Variants in STAT4 observed in about 807,000 individuals in gnomAD.
STAT4 encodes signal transducer and activator of transcription 4.
Under a neutral mutation model 110.5 loss-of-function variants are expected in STAT4, and 42 were observed. That is an observed-to-expected ratio of 0.38 (90% CI 0.30 to 0.49). STAT4 has a LOEUF of 0.49. Among genes scored for constraint, STAT4 ranks in the 20% least tolerant of loss-of-function variants. The pLI is 0.95. For missense variants in STAT4, 632 were observed against 887.9 expected, an observed-to-expected ratio of 0.71 and a Z score of 3.66; for synonymous variants, 284 against 302.2, an observed-to-expected ratio of 0.94 and a Z score of 0.63.
In STAT4 at chr2:191,144,995, T is replaced by G. The variant is rs542045412; in HGVS notation, c.273+1618A>C. On this transcript the variant is annotated intron_variant, in intron 3 of 23. Coordinates refer to ENST00000392320, the MANE Select transcript of STAT4 (RefSeq NM_003151.4). This position sits in a 1 kb window ranked among gnomAD's most constrained non-coding sequence, Gnocchi z 4.7. ...ATCATCTATTAATATTTTCCCCATC[T>G]GTGCTTATCTAGCAAAGTGACCTAT... Among the ~76,000 whole-genome samples, 83 of 152,334 alleles carry G rather than the reference T, an allele frequency of 5.4e-4. No homozygotes were observed. Among genetic ancestry groups the G allele is most frequent in the Non-Finnish European group, 6.5e-4 (44 of 68,028 alleles).
At position 191,094,917 on chromosome 2, in the gene STAT4, CAA is replaced by C. The variant is rs1165913847; in HGVS notation, c.274-18594_274-18593del. 1.2e-3 allele frequency among the ~76,000 whole-genome samples: 94 copies of C among 77,900 alleles called. 1 individual carries two copies. Among genetic ancestry groups the C allele is most frequent in the African/African-American group, 2.7e-3 (47 of 17,104 alleles). The allele number at this position is 77,900 out of a possible 152,430, so 51.1% of individuals were successfully genotyped here. A position where few individuals can be genotyped will look rare whatever the true frequency, so the allele number is the denominator to read the frequency against. ...GAAGATCTACCAAGCAAATGGAAAG[CAA>C]AAAAAAAAAAAAAAAAAAAGTAGGG... On this transcript the variant is annotated intron_variant, in intron 3 of 23. Coordinates refer to ENST00000392320, the MANE Select transcript of STAT4 (RefSeq NM_003151.4).
intron 3 of STAT4, among the ~76,000 whole-genome samples, chr2:191,115,112 A>G (rs1210241243): frequency 6.6e-6 from 1 of 152,180 alleles, no homozygotes; most frequent in East Asian, 1.9e-4. Flanking sequence ...ACCAACACTT[A>G]TGGAGGGTCT....
Position 191,031,225 on chromosome 2 carries a change from T to A in STAT4, c.2112-145A>T, listed in dbSNP as rs1483239516. The stretch of plus-strand genomic sequence containing the variant: ...AATTCATCATTTCATATCAGAACAC[T>A]CAACTTACTGTGGCATATATGGCAT... On this transcript the variant is annotated intron_variant, in intron 22 of 23. Transcript: ENST00000392320. This position sits in a 1 kb window ranked among gnomAD's most constrained non-coding sequence, Gnocchi z 4.8. 4.2e-6 allele frequency: 4 copies of A among 949,556 alleles called. No individual in the cohort carries two copies. The Admixed American group carries it at 1.0e-4, about 24-fold the overall frequency. The allele number at this position is 949,556 out of a possible 1,614,324, so 58.8% of individuals were successfully genotyped here. A position where few individuals can be genotyped will look rare whatever the true frequency, so the allele number is the denominator to read the frequency against.
chr2:191,033,811 G>A lies in STAT4; in HGVS notation c.1715+100C>T. The A allele has an allele frequency of 1.5e-6, 2 of 1,332,442 alleles. No homozygotes were observed. The highest frequency in any genetic ancestry group is 1.0e-6 in the Non-Finnish European group (1 of 969,670). 82.5% of individuals were successfully genotyped at this position (1,332,442 alleles called of 1,614,324 possible). A position where few individuals can be genotyped will look rare whatever the true frequency, so the allele number is the denominator to read the frequency against. On this transcript the variant is annotated intron_variant, in intron 19 of 23. Transcript: ENST00000392320. This position sits in a 1 kb window ranked among gnomAD's most constrained non-coding sequence, Gnocchi z 6.9. ...AGAAATTGCAACTATTTTTTTCTGTGGTACTAAACATGCTTAAGAGAAAAA... is the reference window on the plus strand; with the variant it reads ...AGAAATTGCAACTATTTTTTTCTGTAGTACTAAACATGCTTAAGAGAAAAA...
intron 3 of STAT4, among the ~76,000 whole-genome samples, chr2:191,089,277 T>C (rs980193845): frequency 6.6e-6 from 1 of 152,110 alleles, no homozygotes; most frequent in African/African-American, 2.4e-5. Context: ...AAAGAAGATA[T>C]ATAGATGAAA....
At chr2:191,069,836 A>G (rs1335145249) in intron 5 of STAT4, 65 bp from the exon 6 acceptor site, 15 of 1,343,148 alleles carry the variant, frequency 1.1e-5, no homozygotes, top group Admixed American at 1.1e-4. Flanking sequence ...AAACAACATC[A>G]TAAGTATTTT....
intron 3 of STAT4, among the ~76,000 whole-genome samples, chr2:191,133,043 T>A (rs6434440): frequency 2.6e-5 from 4 of 151,072 alleles, no homozygotes; most frequent in East Asian, 1.9e-4. Context: ...CGTGGGCCAC[T>A]GCGCCTGGCG....
Position 191,056,271 on chromosome 2 carries a change from G to A in STAT4, c.1207-1737C>T, listed in dbSNP as rs886407501. 2.6e-5 allele frequency among the ~76,000 whole-genome samples: 4 copies of A among 152,158 alleles called. No individual in the cohort carries two copies. In the East Asian group the frequency reaches 7.7e-4, roughly 29 times the overall value. On this transcript the variant is annotated intron_variant, in intron 13 of 23. Coordinates refer to ENST00000392320, the MANE Select transcript of STAT4 (RefSeq NM_003151.4). ...AAGCAGAAGGAGTAACATGGTTTCT[G>A]GCGAGAAAAATAGTAGGGTCTTTGG...
intron 3 of STAT4, among the ~76,000 whole-genome samples, chr2:191,081,925 C>T (rs775084785): frequency 2.6e-5 from 4 of 152,136 alleles, no homozygotes; most frequent in African/African-American, 7.2e-5. Flanking sequence ...TCCTCACTTG[C>T]ATCATGCTGG....
chr2:191,085,176 T>A (rs1196023895), intron 3 of STAT4, among the ~76,000 whole-genome samples: 1 of 151,876 alleles, frequency 6.6e-6, no homozygotes, highest in Non-Finnish European at 1.5e-5. Context: ...TCTTTTGAAA[T>A]CTTTGAATTA....
Position 191,077,774 on chromosome 2 carries a change from A to G in STAT4, c.274-1449T>C, listed in dbSNP as rs2464998. ...ATTTGTAAAACAAGAGTAAACACCA[A>G]CTATCTGAATTCCTGCTCTTACATA... On this transcript the variant is annotated intron_variant, in intron 3 of 23. Coordinates refer to ENST00000392320, the MANE Select transcript of STAT4 (RefSeq NM_003151.4). This position sits in a 1 kb window ranked among gnomAD's most constrained non-coding sequence, Gnocchi z 4.1. Among the ~76,000 whole-genome samples, 621 of 152,306 alleles carry G rather than the reference A, an allele frequency of 4.1e-3. 3 individuals carry two copies. Among genetic ancestry groups the G allele is most frequent in the African/African-American group, 0.014 (580 of 41,572 alleles).
At position 191,058,138 on chromosome 2, in the gene STAT4, A is replaced by G. The variant is rs892675448; in HGVS notation, c.1113-27T>C. 3 of 1,612,834 alleles carry G rather than the reference A, an allele frequency of 1.9e-6. No individual in the cohort carries two copies. The highest frequency in any genetic ancestry group is 1.6e-4 in the Middle Eastern group (1 of 6,082). On this transcript the variant is annotated intron_variant, in intron 12 of 23. Coordinates refer to ENST00000392320, the MANE Select transcript of STAT4 (RefSeq NM_003151.4). The surrounding 1 kb of genome is among the most constrained non-coding windows in gnomAD (Gnocchi z 4.3). ...TGGAGAGGAAATCTTAGCTATTTAC[A>G]TGGTCTCAGGTAAAATAAATTTACA...
In STAT4 at chr2:191,146,795, C is replaced by G; in HGVS notation, c.129-38G>C. On this transcript the variant is annotated intron_variant, in intron 2 of 23. Transcript: ENST00000392320. This position sits in a 1 kb window ranked among gnomAD's most constrained non-coding sequence, Gnocchi z 4.5. ...AGGATTATTACACAACAGAAAACAACTTTGTAAAATGTCTACTTTTTTACC... is the reference window on the plus strand; with the variant it reads ...AGGATTATTACACAACAGAAAACAAGTTTGTAAAATGTCTACTTTTTTACC... 1.4e-6 allele frequency: 2 copies of G among 1,447,626 alleles called. No homozygotes were observed. Among genetic ancestry groups the G allele is most frequent in the Non-Finnish European group, 1.8e-6 (2 of 1,095,518 alleles). The allele number at this position is 1,447,626 out of a possible 1,614,324, so 89.7% of individuals were successfully genotyped here.
At chr2:191,075,992 G>C in intron 4 of STAT4, 2 of 448,140 alleles carry the variant, frequency 4.5e-6, no homozygotes, top group Non-Finnish European at 8.1e-6. Context: ...TAGGACTATA[G>C]GCATGTGCCA....
intron 3 of STAT4, among the ~76,000 whole-genome samples, chr2:191,118,165 T>C (rs149893095): frequency 1.3e-5 from 2 of 152,356 alleles, no homozygotes; most frequent in Middle Eastern, 3.4e-3. Flanking sequence ...GCAATTCTTA[T>C]AAAAAGCCTT....
At chr2:191,074,577 T>TCA (rs569941435) in intron 4 of STAT4, among the ~76,000 whole-genome samples, 3 of 152,090 alleles carry the variant, frequency 2.0e-5, no homozygotes, top group South Asian at 4.2e-4. Flanking sequence ...ACACGCTCTC[T>TCA]CACACACACA....
At chr2:191,063,301 T>TA (rs1372703403) in intron 8 of STAT4, among the ~76,000 whole-genome samples, 2 of 152,202 alleles carry the variant, frequency 1.3e-5, no homozygotes, top group East Asian at 1.9e-4. Context: ...TTTAAAGCCA[T>TA]AAAAAAATGC....
Position 191,034,614 on chromosome 2 carries a change from G to A in STAT4, c.1571-17C>T. On this transcript the variant is annotated splice_polypyrimidine_tract_variant and intron_variant, in intron 17 of 23. Transcript: ENST00000392320. ...TAGATTGGACTGAAATGAAAGAAAAGAATGAAATTTTTCACTGGACAATGA... is the reference window on the plus strand; with the variant it reads ...TAGATTGGACTGAAATGAAAGAAAAAAATGAAATTTTTCACTGGACAATGA... The A allele has an allele frequency of 6.2e-7, 1 of 1,606,114 alleles. No individual in the cohort carries two copies. The highest frequency in any genetic ancestry group is 8.5e-7 in the Non-Finnish European group (1 of 1,172,990).
chr2:191,032,902 G>T lies in STAT4; in HGVS notation c.2044+56C>A. 6.6e-7 allele frequency: 1 copy of T among 1,519,164 alleles called. No homozygotes were observed. The highest frequency in any genetic ancestry group is 8.9e-7 in the Non-Finnish European group (1 of 1,123,900). The allele number at this position is 1,519,164 out of a possible 1,614,324, so 94.1% of individuals were successfully genotyped here. A position where few individuals can be genotyped will look rare whatever the true frequency, so the allele number is the denominator to read the frequency against. Reference sequence around the variant, plus strand: ...CTTCATTTACTTTGCTCCAATATGAGGTTATTTTCCAAAATCTTAAGGAAA... The same window carrying T: ...CTTCATTTACTTTGCTCCAATATGATGTTATTTTCCAAAATCTTAAGGAAA... On this transcript the variant is annotated intron_variant, in intron 21 of 23. Transcript: ENST00000392320. The surrounding 1 kb of genome is among the most constrained non-coding windows in gnomAD (Gnocchi z 4.9).
Sources: allele counts gnomAD v4.1 joint callset (sites outside exome capture counted in the v4.1 genomes callset), GRCh38; gene constraint gnomAD v4.1.1; non-coding constraint Gnocchi (gnomAD v3.1); transcripts MANE v1.5; gene names NCBI Gene and HGNC (gene_info 2026-07-23, HGNC 2026-07-21).